GRAMD2B: variants seen among roughly 807,000 people sequenced by gnomAD.
GRAMD2B encodes GRAM domain containing 2B, also known as GRAM domain-containing protein 2B.
A neutral mutation model predicts 59.2 loss-of-function variants in GRAMD2B; 41 were observed. That is an observed-to-expected ratio of 0.69 (90% CI 0.54 to 0.90). The LOEUF (loss-of-function observed/expected upper bound fraction) is 0.90. Among genes scored for constraint, GRAMD2B ranks in the 40% least tolerant of loss-of-function variants. The pLI is 0.00. For synonymous variants in GRAMD2B, 161 were observed against 182.7 expected (o/e 0.88, Z 0.96); for missense variants, 424 against 500.5 (o/e 0.85, Z 1.46).
chr5:126,437,643 G>T (rs565941742), intron 1 of GRAMD2B, among the ~76,000 whole-genome samples: 6 of 152,228 alleles, frequency 3.9e-5, no homozygotes, highest in Admixed American at 3.3e-4. Context: ...AAACAGAACG[G>T]CAGAGAATAA....
rs1757296057 is a variant in GRAMD2B, at chr5:126,395,634, T to C, written c.125+24067T>C. ...AATCCAAAAAAATCTATTAGTAAAC[T>C]CTGTATTAATCAATTTTAGAATGCC... On this transcript the variant is annotated intron_variant, in intron 1 of 8. Coordinates refer to the GRAMD2B transcript ENST00000506445. Among the ~76,000 whole-genome samples, 4 of 152,300 alleles carry C rather than the reference T, an allele frequency of 2.6e-5. No homozygotes were observed. The South Asian group carries it at 8.3e-4, about 32-fold the overall frequency.
At position 126,454,832 on chromosome 5, in the gene GRAMD2B, G is replaced by A. The variant is rs568223725; in HGVS notation, c.84-10594G>A. On this transcript the variant is annotated intron_variant, in intron 1 of 13. Transcript: ENST00000285689. ...CAGTGGAATTAGTTTCCAAACTGGCGGAACCCCTCCTCTGCAAAATCTGAT... is the reference window on the plus strand; with the variant it reads ...CAGTGGAATTAGTTTCCAAACTGGCAGAACCCCTCCTCTGCAAAATCTGAT... Among the ~76,000 whole-genome samples, 7 of 152,264 alleles carry A rather than the reference G, an allele frequency of 4.6e-5. No individual in the cohort carries two copies. The South Asian group carries it at 6.2e-4, about 14-fold the overall frequency.
upstream of GRAMD2B, among the ~76,000 whole-genome samples, chr5:126,370,382 A>C (rs555006120): frequency 1.3e-5 from 2 of 152,278 alleles, no homozygotes; most frequent in East Asian, 1.9e-4. Flanking sequence ...CCACAATCAG[A>C]AACTGTGTAC....
In GRAMD2B at chr5:126,486,942, G is replaced by A. The variant is rs141904610; in HGVS notation, c.1128G>A (p.Gly376=). The A allele has an allele frequency of 6.2e-7, 1 of 1,610,746 alleles. No homozygotes were observed. The highest frequency in any genetic ancestry group is 8.5e-7 in the Non-Finnish European group (1 of 1,177,450). The change falls in exon 12 of 14, where the codon GGG becomes GGA. Residue 376 remains glycine (G), a synonymous_variant. Transcript: ENST00000285689. ...YRINTLEEQL[G]LLTSIVDTHN... Reference sequence around the variant, plus strand: ...TTAATACTCTGGAGGAGCAGCTGGGGTTACTAACCTCCATTGTGGACACCC... The same window carrying A: ...TTAATACTCTGGAGGAGCAGCTGGGATTACTAACCTCCATTGTGGACACCC...
chr5:126,445,457 C>T (rs1420735277), intron 1 of GRAMD2B: 1 of 152,084 alleles, frequency 6.6e-6, no homozygotes, highest in East Asian at 1.9e-4. Flanking sequence ...TGATGTTGAG[C>T]TTTTTTTCAT....
intron 1 of GRAMD2B, 115 bp from the exon 2 acceptor site, chr5:126,465,311 A>C: frequency 3.2e-6 from 5 of 1,561,258 alleles, no homozygotes; most frequent in Non-Finnish European, 4.3e-6. Flanking sequence ...TAACTAGCCT[A>C]TCAGTGAGGA....
intron 1 of GRAMD2B, among the ~76,000 whole-genome samples, chr5:126,429,753 G>A (rs1761258652): frequency 6.6e-6 from 1 of 152,192 alleles, no homozygotes; most frequent in Non-Finnish European, 1.5e-5. Flanking sequence ...GTTCCATAAA[G>A]TGACCGTGAG....
chr5:126,475,757 G>A (rs539694152), intron 5 of GRAMD2B, among the ~76,000 whole-genome samples: 2 of 152,186 alleles, frequency 1.3e-5, no homozygotes, highest in Non-Finnish European at 2.9e-5. Flanking sequence ...CTGAGGTCGG[G>A]CGTTCAAGAC....
intron 1 of GRAMD2B, chr5:126,371,673 T>A: frequency 2.9e-6 from 3 of 1,048,632 alleles, no homozygotes; most frequent in Non-Finnish European, 3.7e-6. Flanking sequence ...GAGGTAGGGA[T>A]CAGCCATGGG....
At chr5:126,400,786 C>A (rs151125478) in intron 1 of GRAMD2B, among the ~76,000 whole-genome samples, 281 of 152,212 alleles carry the variant, frequency 1.8e-3, no homozygotes, top group Middle Eastern at 3.4e-3. Flanking sequence ...TCTCTCCTGG[C>A]ATGCTAGTTT....
At chr5:126,391,319 CAAAAAA>C (rs61181985) in intron 1 of GRAMD2B, among the ~76,000 whole-genome samples, 29 of 76,350 alleles carry the variant, frequency 3.8e-4, no homozygotes, top group South Asian at 1.1e-3. Flanking sequence ...GACTCCATCT[CAAAAAA>C]AAAAAAAAAA....
Position 126,480,422 on chromosome 5 carries a change from T to C in GRAMD2B, c.583-34T>C, listed in dbSNP as rs2126898318. On this transcript the variant is annotated intron_variant, in intron 6 of 13. Coordinates refer to ENST00000285689, the MANE Select transcript of GRAMD2B (RefSeq NM_023927.4). ...TCAACTCTCACTTCTCATCCGGCAA[T>C]ATCTATTCATAATTATCCTGTTTTG... 4 of 1,476,582 alleles carry C rather than the reference T, an allele frequency of 2.7e-6. No homozygotes were observed. The East Asian group carries it at 9.1e-5, about 33-fold the overall frequency. 91.5% of individuals were successfully genotyped at this position (1,476,582 alleles called of 1,614,324 possible). A position where few individuals can be genotyped will look rare whatever the true frequency, so the allele number is the denominator to read the frequency against.
chr5:126,442,665 T>C (rs1033880841), intron 1 of GRAMD2B, among the ~76,000 whole-genome samples: 3 of 152,204 alleles, frequency 2.0e-5, no homozygotes. Flanking sequence ...AGCCCCCTGC[T>C]TAAAATCCGT....
chr5:126,367,916 TAA>T, upstream of GRAMD2B, among the ~76,000 whole-genome samples: 1 of 151,946 alleles, frequency 6.6e-6, no homozygotes, highest in South Asian at 2.1e-4. Context: ...CACGCCCGGC[TAA>T]TTGTTTGTAT....
At chr5:126,461,257 G>A (rs554232304) in intron 1 of GRAMD2B, among the ~76,000 whole-genome samples, 2 of 152,300 alleles carry the variant, frequency 1.3e-5, no homozygotes, top group East Asian at 3.9e-4. Flanking sequence ...AGAGAAAGGT[G>A]TATTGAGTTT....
At position 126,492,235 on chromosome 5, in the gene GRAMD2B, T is replaced by G. The variant is rs1443916111; in HGVS notation, c.1258-680T>G. Among the ~76,000 whole-genome samples, 3 of 152,328 alleles carry G rather than the reference T, an allele frequency of 2.0e-5. No homozygotes were observed. The East Asian group carries it at 5.8e-4, about 29-fold the overall frequency. ...GTTAAACATTATTATGTGGGATTTT[T>G]CTGATTAAAACCATCAAATGGGTTG... On this transcript the variant is annotated intron_variant, in intron 13 of 13. Coordinates refer to ENST00000285689, the MANE Select transcript of GRAMD2B (RefSeq NM_023927.4).
chr5:126,393,521 A>G (rs976848736), intron 1 of GRAMD2B, among the ~76,000 whole-genome samples: 4 of 152,218 alleles, frequency 2.6e-5, no homozygotes, highest in Admixed American at 2.0e-4. Context: ...AAATACTACA[A>G]CATTTCAAAA....
At chr5:126,360,998 G>A (rs7733479) in intron 1 of GRAMD2B, among the ~76,000 whole-genome samples, 63,789 of 151,964 alleles carry the variant, frequency 0.42, 13,741 homozygotes, top group African/African-American at 0.49. Context: ...TTGTAAGCAG[G>A]CACTATGGGT....
At chr5:126,443,422 G>A (rs1269178042) in intron 1 of GRAMD2B, among the ~76,000 whole-genome samples, 1 of 152,180 alleles carries the variant, frequency 6.6e-6, no homozygotes, top group East Asian at 1.9e-4. Flanking sequence ...TCTAGTTTTA[G>A]TAAGTGTTGT....
Sources: gnomAD v4.1 joint callset for allele counts (sites outside exome capture counted in the v4.1 genomes callset) on GRCh38, gnomAD v4.1.1 for gene constraint, MANE v1.5 for transcripts, NCBI Gene and HGNC (gene_info 2026-07-23, HGNC 2026-07-21) for gene names.